The following LIPA variants were observed in gnomAD, a reference collection of about 807,000 sequenced individuals.
LIPA encodes lysosomal acid lipase/cholesteryl ester hydrolase.
A neutral mutation model predicts 40.6 loss-of-function variants in LIPA; 26 were observed. The observed-to-expected ratio is 0.64, with a 90% CI of 0.47 to 0.89. The LOEUF is 0.89. Ranked by LOEUF, LIPA falls within the 40% of genes least tolerant of loss-of-function variation. LIPA has a pLI of 0.00. For synonymous variants in LIPA, 188 were observed against 168.4 expected, an observed-to-expected ratio of 1.12 and a Z score of -0.90; for missense variants, 455 against 479.6, an observed-to-expected ratio of 0.95 and a Z score of 0.48.
At chr10:89,250,245 G>A (rs1294237252) in intron 1 of LIPA, among the ~76,000 whole-genome samples, 2 of 151,368 alleles carry the variant, frequency 1.3e-5, no homozygotes, top group Admixed American at 6.6e-5. Flanking sequence ...GACTACAGGC[G>A]CCCACCACCA....
At chr10:89,384,416 G>A (rs149656549) in intron 2 of LIPA, 286 of 1,614,006 alleles carry the variant, frequency 1.8e-4, no homozygotes, top group Middle Eastern at 3.3e-4. Flanking sequence ...AAAGGGTTAC[G>A]CATGAAGATC....
rs756939371 is a variant in LIPA at position 89,386,946 on chromosome 10, A to AGTGTGTGTGTGT, written c.61+25833_61+25844dup. On this transcript the variant is annotated intron_variant, in intron 2 of 8. Transcript: ENST00000371837. Reference sequence around the variant, plus strand: ...GAGTTTATGAGTCTGTGGGTATATGAGTGTGTGTGTGTGTGTGTGTGTGTG... The same window carrying AGTGTGTGTGTGT: ...GAGTTTATGAGTCTGTGGGTATATGAGTGTGTGTGTGTGTGTGTGTGTGTGTGTGTGTGTGTG... Among the ~76,000 whole-genome samples, 1,135 of 125,928 alleles carry AGTGTGTGTGTGT rather than the reference A, an allele frequency of 9.0e-3. 14 individuals are homozygous for AGTGTGTGTGTGT. The highest frequency in any genetic ancestry group is 0.031 in the African/African-American group (1,103 of 35,284). The allele number at this position is 125,928 out of a possible 152,430, so 82.6% of individuals were successfully genotyped here. A position where few individuals can be genotyped will look rare whatever the true frequency, so the allele number is the denominator to read the frequency against.
intron 2 of LIPA, among the ~76,000 whole-genome samples, chr10:89,374,750 G>C (rs1385405831): frequency 1.3e-5 from 2 of 152,186 alleles, no homozygotes; most frequent in Non-Finnish European, 1.5e-5. Flanking sequence ...CAGAACTGGA[G>C]AGAGAGAGCT....
At position 89,222,529 on chromosome 10, in the gene LIPA, G is replaced by A; in HGVS notation, c.876C>T (p.Asn292=). Residue 292 remains asparagine, a synonymous_variant, in exon 8 of 10, where the codon AAC becomes AAT. Transcript: ENST00000336233. ...TGCCTACCTGGCTCCAGTGTAACAT[G>A]TTTTGCACAGAAGTTCCAGCAGGAG... ...THSPAGTSVQ[N]MLHWSQAVKF... is the part of the protein sequence containing the mutation. The A allele has an allele frequency of 6.2e-7, 1 of 1,609,962 alleles. No homozygotes were observed.
chr10:89,383,186 AC>A, intron 2 of LIPA: 1 of 763,580 alleles, frequency 1.3e-6, no homozygotes, highest in Non-Finnish European at 2.1e-6. Context: ...TGACTGTAGA[AC>A]CCAGAGGGGC....
intron 1 of LIPA, chr10:89,293,740 CTT>C (rs1843392151): frequency 1.4e-5 from 2 of 145,860 alleles, no homozygotes. Context: ...TCTTTTTCTT[CTT>C]GTTTGTATGA....
At chr10:89,225,002 A>G in intron 6 of LIPA, 90 bp downstream of exon 6, 2 of 1,439,936 alleles carry the variant, frequency 1.4e-6, no homozygotes, top group Middle Eastern at 2.4e-4. Context: ...GCAGGGGAGG[A>G]AGGCACAGAT....
chr10:89,398,484 A>G (rs1275489350), intron 2 of LIPA, among the ~76,000 whole-genome samples: 1 of 152,200 alleles, frequency 6.6e-6, no homozygotes, highest in African/African-American at 2.4e-5. Context: ...CTTACATTGC[A>G]TACCTGTGTC....
intron 1 of LIPA, chr10:89,338,778 G>A (rs1843791054): frequency 1.9e-6 from 3 of 1,614,000 alleles, no homozygotes; most frequent in Admixed American, 1.7e-5. Context: ...TGTGTAACCA[G>A]ATTGAATTTT....
At position 89,225,238 on chromosome 10, in the gene LIPA, C is replaced by T; in HGVS notation, c.539-10G>A. ...GAAAATGCTATAAAACCTGTGAGAACAAAGGACAGAAAACAGGAATTCCAT... is the reference window on the plus strand; with the variant it reads ...GAAAATGCTATAAAACCTGTGAGAATAAAGGACAGAAAACAGGAATTCCAT... On this transcript the variant is annotated splice_polypyrimidine_tract_variant and intron_variant, in intron 5 of 9. Coordinates refer to ENST00000336233, the MANE Select transcript of LIPA (RefSeq NM_000235.4). The T allele has an allele frequency of 6.2e-7, 1 of 1,614,084 alleles. No individual in the cohort carries two copies. The highest frequency in any genetic ancestry group is 8.5e-7 in the Non-Finnish European group (1 of 1,179,968).
At chr10:89,266,831 T>C (rs1161493019) in intron 1 of LIPA, among the ~76,000 whole-genome samples, 1 of 152,246 alleles carries the variant, frequency 6.6e-6, no homozygotes, top group Non-Finnish European at 1.5e-5. Flanking sequence ...AAGCTCTGTA[T>C]ATTGCCCTGA....
At chr10:89,357,535 C>T (rs1474480239) in intron 2 of LIPA, among the ~76,000 whole-genome samples, 2 of 152,156 alleles carry the variant, frequency 1.3e-5, no homozygotes, top group Non-Finnish European at 2.9e-5. Context: ...CAGACACAGA[C>T]CCAGAAAGAA....
At chr10:89,266,047 A>G (rs1401528274) in intron 1 of LIPA, among the ~76,000 whole-genome samples, 3 of 152,202 alleles carry the variant, frequency 2.0e-5, no homozygotes, top group African/African-American at 7.2e-5. Context: ...GCTGTGATGT[A>G]TGTTTTCTAC....
chr10:89,235,963 C>G (rs1031367604), intron 3 of LIPA, among the ~76,000 whole-genome samples: 2 of 152,062 alleles, frequency 1.3e-5, no homozygotes, highest in Admixed American at 1.3e-4. Context: ...CACAGGTCCA[C>G]TCATACATGG....
At chr10:89,268,910 T>A (rs1589583945) in intron 1 of LIPA, among the ~76,000 whole-genome samples, 1 of 143,162 alleles carries the variant, frequency 7.0e-6, no homozygotes, top group Admixed American at 7.0e-5. Flanking sequence ...GGTGTGAACC[T>A]GGGAGGCGGA....
chr10:89,324,448 A>G (rs981327226), intron 1 of LIPA, among the ~76,000 whole-genome samples: 5 of 152,220 alleles, frequency 3.3e-5, no homozygotes, highest in African/African-American at 1.2e-4. Context: ...ACGATTCTCA[A>G]CATAGAAACC....
At chr10:89,222,279 A>C (rs1842709369) in intron 8 of LIPA, among the ~76,000 whole-genome samples, 1 of 152,200 alleles carries the variant, frequency 6.6e-6, no homozygotes, top group Admixed American at 6.5e-5. Context: ...AGAGGAGGGA[A>C]AAGAAAAATG....
chr10:89,277,576 T>C (rs1843295127), intron 1 of LIPA, among the ~76,000 whole-genome samples: 1 of 152,218 alleles, frequency 6.6e-6, no homozygotes, highest in African/African-American at 2.4e-5. Flanking sequence ...TCCATAAAGA[T>C]AAATGGATGG....
At chr10:89,271,297 G>A (rs991755527) in intron 1 of LIPA, among the ~76,000 whole-genome samples, 1 of 152,208 alleles carries the variant, frequency 6.6e-6, no homozygotes, top group Non-Finnish European at 1.5e-5. Flanking sequence ...GTGGTTATGG[G>A]ACATTCCCCC....
Sources: gnomAD v4.1 joint callset for allele counts (sites outside exome capture counted in the v4.1 genomes callset) on GRCh38, gnomAD v4.1.1 for gene constraint, MANE v1.5 for transcripts, NCBI Gene and HGNC (gene_info 2026-07-23, HGNC 2026-07-21) for gene names.